The following ACSL5 variants were observed in gnomAD, a reference collection of about 807,000 sequenced individuals.
The protein encoded by ACSL5 is long-chain-fatty-acid--CoA ligase 5.
ACSL5 carries 50 observed loss-of-function variants against 84.9 expected under a neutral mutation model. That is an observed-to-expected ratio of 0.59 (90% CI 0.47 to 0.75). ACSL5 has a LOEUF of 0.75. ACSL5 is among the 30% of genes least tolerant of loss of function. ACSL5 has a pLI of 0.00. For synonymous variants in ACSL5, 280 were observed against 300.7 expected (o/e 0.93, Z 0.71); for missense variants, 775 against 830.4 (o/e 0.93, Z 0.82).
chr10:112,424,196 C>T (rs1435334607), intron 17 of ACSL5, among the ~76,000 whole-genome samples: 1 of 152,196 alleles, frequency 6.6e-6, no homozygotes, highest in Non-Finnish European at 1.5e-5. Context: ...TTTAGCATAG[C>T]TTGATAATTA....
intron 3 of ACSL5, among the ~76,000 whole-genome samples, chr10:112,400,314 C>T (rs1365103031): frequency 1.3e-5 from 2 of 150,788 alleles, no homozygotes; most frequent in African/African-American, 2.4e-5. Context: ...TTCTTGGACT[C>T]AAGCAATCCT....
chr10:112,424,671 G>A (rs745809201), intron 17 of ACSL5: 2 of 152,172 alleles, frequency 1.3e-5, no homozygotes, highest in Admixed American at 1.3e-4. Context: ...TTAGTTAGTC[G>A]CCCTACTTAG....
chr10:112,378,228 T>G (rs1357755028), intron 1 of ACSL5, among the ~76,000 whole-genome samples: 2 of 4,192 alleles, frequency 4.8e-4, no homozygotes, highest in African/African-American at 7.7e-4. Flanking sequence ...CTTCTTCTTG[T>G]TTTTTTTTTT....
chr10:112,408,533 C>T lies in ACSL5; in HGVS notation c.532+12C>T, dbSNP rs201248263. Reference sequence around the variant, plus strand: ...TATTGTCAACAAGGGTAAAATTTTGCTGTTACATTACAACTTGATTCTTTC... The same window carrying T: ...TATTGTCAACAAGGGTAAAATTTTGTTGTTACATTACAACTTGATTCTTTC... On this transcript the variant is annotated intron_variant, in intron 6 of 20. Coordinates refer to ENST00000354655, the MANE Select transcript of ACSL5 (RefSeq NM_203379.2). The T allele has an allele frequency of 6.5e-7, 1 of 1,538,422 alleles. No individual in the cohort carries two copies. Among genetic ancestry groups the T allele is most frequent in the Admixed American group, 1.7e-5 (1 of 59,726 alleles).
At chr10:112,376,746 T>C (rs917146672) in intron 1 of ACSL5, among the ~76,000 whole-genome samples, 11 of 152,108 alleles carry the variant, frequency 7.2e-5, no homozygotes, top group Non-Finnish European at 1.6e-4. Context: ...GGTCTGAGCA[T>C]CCAGCATAGC....
chr10:112,386,504 T>C (rs1367651880), intron 1 of ACSL5, among the ~76,000 whole-genome samples: 1 of 152,270 alleles, frequency 6.6e-6, no homozygotes, highest in Non-Finnish European at 1.5e-5. Context: ...AGAAAACTCC[T>C]ATAGCTCTAT....
At chr10:112,386,151 A>G (rs1175977360) in intron 1 of ACSL5, among the ~76,000 whole-genome samples, 3 of 131,622 alleles carry the variant, frequency 2.3e-5, no homozygotes, top group Non-Finnish European at 3.2e-5. Flanking sequence ...AGGTTTGTCT[A>G]TTCATGACCA....
At chr10:112,401,839 T>TCTTTCTTCCTTC (rs1491438129) in intron 3 of ACSL5, among the ~76,000 whole-genome samples, 11 of 92,098 alleles carry the variant, frequency 1.2e-4, no homozygotes, top group Non-Finnish European at 1.8e-4. Context: ...TTTCTTTCTT[T>TCTTTCTTCCTTC]CTTCCTTCCT....
At chr10:112,420,553 T>C (rs1844432530) in intron 14 of ACSL5, among the ~76,000 whole-genome samples, 1 of 152,128 alleles carries the variant, frequency 6.6e-6, no homozygotes, top group Admixed American at 6.5e-5. Context: ...TTTTATATCA[T>C]AGTGGGGGCT....
At chr10:112,390,503 G>C (rs532250556) in intron 1 of ACSL5, among the ~76,000 whole-genome samples, 4 of 152,060 alleles carry the variant, frequency 2.6e-5, no homozygotes, top group Non-Finnish European at 5.9e-5. Context: ...TATAAAATTC[G>C]CATTGACTCA....
At chr10:112,422,196 A>T in intron 16 of ACSL5, 129 bp from the exon 17 acceptor site, 1 of 1,077,384 alleles carries the variant, frequency 9.3e-7, no homozygotes, top group Non-Finnish European at 1.4e-6. Flanking sequence ...GTGGAGACTT[A>T]GATCTGGTGC....
chr10:112,385,603 T>C (rs777664563), intron 1 of ACSL5, among the ~76,000 whole-genome samples: 12 of 152,350 alleles, frequency 7.9e-5, no homozygotes, highest in Middle Eastern at 6.8e-3. Context: ...CTTTCCCTAA[T>C]TGTAAATAAC....
intron 3 of ACSL5, among the ~76,000 whole-genome samples, chr10:112,401,855 C>CTTT (rs1843916397): frequency 1.0e-5 from 1 of 97,452 alleles, no homozygotes. Context: ...TTCCTTCCTT[C>CTTT]CTTTCTTTCT....
At chr10:112,391,941 C>G (rs1200431761) in intron 1 of ACSL5, among the ~76,000 whole-genome samples, 1 of 152,166 alleles carries the variant, frequency 6.6e-6, no homozygotes, top group Non-Finnish European at 1.5e-5. Context: ...GTTATTCACT[C>G]TTCTTCCTGA....
rs1374685281 is a variant in ACSL5 at position 112,427,999 on chromosome 10, G to A, written c.*641G>A. 2 of 157,974 alleles carry A rather than the reference G, an allele frequency of 1.3e-5. No individual in the cohort carries two copies. The highest frequency in any genetic ancestry group is 2.8e-5 in the Non-Finnish European group (2 of 71,966). The allele number at this position is 157,974 out of a possible 1,614,324, so 9.8% of individuals were successfully genotyped here. A position where few individuals can be genotyped will look rare whatever the true frequency, so the allele number is the denominator to read the frequency against. ...AACTCTCTAGTTAGATATCTGACTTGGGAGTATTAAAAATTGGGTCTATGA... is the reference window on the plus strand; with the variant it reads ...AACTCTCTAGTTAGATATCTGACTTAGGAGTATTAAAAATTGGGTCTATGA... On this transcript the variant is annotated 3_prime_UTR_variant, in exon 21 of 21. Transcript: ENST00000354655.
chr10:112,395,567 A>C (rs1213769135), intron 2 of ACSL5, among the ~76,000 whole-genome samples: 1 of 152,216 alleles, frequency 6.6e-6, no homozygotes, highest in Admixed American at 6.5e-5. Context: ...AGTGTCTGAG[A>C]ACAATTAAGC....
At chr10:112,418,032 A>G (rs1844359745) in intron 14 of ACSL5, 91 bp downstream of exon 14, 3 of 1,058,462 alleles carry the variant, frequency 2.8e-6, no homozygotes, top group Non-Finnish European at 4.0e-6. Flanking sequence ...ACTAAAAGGT[A>G]CCAAAATGAA....
chr10:112,394,736 G>A (rs957877220), intron 1 of ACSL5, 182 bp from the exon 2 acceptor site: 32 of 984,944 alleles, frequency 3.2e-5, no homozygotes, highest in Non-Finnish European at 3.9e-5. Context: ...TTTCAACAGT[G>A]CTAAGTAAAC....
intron 3 of ACSL5, among the ~76,000 whole-genome samples, chr10:112,402,540 G>A (rs2133610601): frequency 6.6e-6 from 1 of 152,314 alleles, no homozygotes; most frequent in East Asian, 1.9e-4. Flanking sequence ...TTCAGGGAAA[G>A]TTAGTCTGAG....
Sources: allele counts gnomAD v4.1 joint callset (sites outside exome capture counted in the v4.1 genomes callset), GRCh38; gene constraint gnomAD v4.1.1; transcripts MANE v1.5; gene names NCBI Gene and HGNC (gene_info 2026-07-23, HGNC 2026-07-21).